ARMC8: variants seen among roughly 807,000 people sequenced by gnomAD.
ARMC8 encodes armadillo repeat containing 8.
ARMC8 carries 20 observed loss-of-function variants against 99.3 expected under a neutral mutation model. The ratio of observed to expected loss-of-function variants is 0.20; its 90% CI spans 0.14 to 0.29. ARMC8 has a LOEUF of 0.29. Ranked by LOEUF, ARMC8 falls within the 10% of genes least tolerant of loss-of-function variation. The pLI, the probability that ARMC8 is intolerant of heterozygous loss-of-function variation, is 1.00. For missense variants in ARMC8, 569 were observed against 809.5 expected (o/e 0.70, Z 3.60); for synonymous variants, 263 against 278.3 (o/e 0.95, Z 0.55).
At chr3:138,234,959 A>AT (rs1277841043) in intron 6 of ARMC8, 75 bp from the exon 7 acceptor site, 1 of 1,260,582 alleles carries the variant, frequency 7.9e-7, no homozygotes, top group Non-Finnish European at 1.1e-6. Flanking sequence ...GGTTTTCTAC[A>AT]TTTAAGTAAA....
intron 18 of ARMC8, among the ~76,000 whole-genome samples, chr3:138,281,420 G>A (rs1475635114): frequency 6.6e-6 from 1 of 151,738 alleles, no homozygotes; most frequent in Non-Finnish European, 1.5e-5. Flanking sequence ...AGCCTCCTGA[G>A]TAGCTGGGAC....
intron 6 of ARMC8, among the ~76,000 whole-genome samples, chr3:138,231,181 C>T (rs992645319): frequency 6.6e-6 from 1 of 152,150 alleles, no homozygotes; most frequent in African/African-American, 2.4e-5. Context: ...ACAATATTAA[C>T]AACTTTACCG....
At chr3:138,290,750 T>C (rs773382478) in intron 21 of ARMC8, 111 bp downstream of exon 21, 3 of 709,920 alleles carry the variant, frequency 4.2e-6, no homozygotes, top group Non-Finnish European at 7.0e-6. Context: ...TTTTAGATTC[T>C]TAGATTTTCT....
At chr3:138,199,758 G>A (rs1034600424) in intron 1 of ARMC8, among the ~76,000 whole-genome samples, 3 of 152,292 alleles carry the variant, frequency 2.0e-5, no homozygotes, top group Non-Finnish European at 2.9e-5. Flanking sequence ...TCTGTATTGT[G>A]GTAGTCCTAA....
chr3:138,294,918 G>A, intron 21 of ARMC8, among the ~76,000 whole-genome samples: 1 of 146,748 alleles, frequency 6.8e-6, no homozygotes, highest in Admixed American at 6.8e-5. Context: ...TTTTTTTTGA[G>A]ATGGAGTTTC....
rs925395945 is a variant in ARMC8, at chr3:138,297,597, A to G, written c.*1705A>G. ...ATGTTTTAAAAATGTATTTAATGCA[A>G]TTTTTCCTGCTCTCAACATGACCAC... On this transcript the variant is annotated 3_prime_UTR_variant, in exon 22 of 22. Coordinates refer to ENST00000469044, the MANE Select transcript of ARMC8 (RefSeq NM_001363941.2). The G allele has an allele frequency of 6.6e-6, 1 of 152,104 alleles. No individual in the cohort carries two copies. 9.4% of individuals were successfully genotyped at this position (152,104 alleles called of 1,614,324 possible). A position where few individuals can be genotyped will look rare whatever the true frequency, so the allele number is the denominator to read the frequency against.
At chr3:138,291,547 C>T (rs911952408) in intron 21 of ARMC8, among the ~76,000 whole-genome samples, 4 of 152,162 alleles carry the variant, frequency 2.6e-5, no homozygotes, top group African/African-American at 9.7e-5. Context: ...GTGTAACTTA[C>T]ATTCTAGTAT....
intron 6 of ARMC8, among the ~76,000 whole-genome samples, chr3:138,231,152 G>A (rs777732201): frequency 8.5e-5 from 13 of 152,178 alleles, no homozygotes; most frequent in Non-Finnish European, 1.6e-4. Context: ...ATCCAGTGAC[G>A]TTAGTAAAAG....
chr3:138,227,259 TGGGGGCTGTTGTAACTGA>T (rs985158417), intron 5 of ARMC8, among the ~76,000 whole-genome samples: 15 of 152,098 alleles, frequency 9.9e-5, no homozygotes, highest in African/African-American at 3.6e-4. Context: ...AGAAATGGGA[TGGGGGCTGTTGTAACTGA>T]GGGAAAGTGA....
chr3:138,291,926 A>G (rs190890261), intron 21 of ARMC8, among the ~76,000 whole-genome samples: 1 of 152,350 alleles, frequency 6.6e-6, no homozygotes, highest in East Asian at 1.9e-4. Context: ...TAGGTAAGGT[A>G]AGGACTTTGG....
chr3:138,287,806 AT>A, intron 19 of ARMC8: 1 of 384,778 alleles, frequency 2.6e-6, no homozygotes, highest in South Asian at 1.9e-5. Context: ...CATTGAGCAT[AT>A]TTTGCCATTG....
intron 6 of ARMC8, among the ~76,000 whole-genome samples, chr3:138,229,351 T>TA (rs2045918716): frequency 6.7e-6 from 1 of 148,920 alleles, no homozygotes; most frequent in Admixed American, 6.7e-5. Context: ...TTTTTTTTTT[T>TA]AACAGTGCAT....
intron 6 of ARMC8, among the ~76,000 whole-genome samples, chr3:138,232,472 T>C (rs868611557): frequency 6.6e-6 from 1 of 152,170 alleles, no homozygotes; most frequent in African/African-American, 2.4e-5. Context: ...ATTGTAAATA[T>C]AACTTAGAAA....
chr3:138,287,024 C>A (rs149898719), intron 19 of ARMC8, among the ~76,000 whole-genome samples: 10 of 152,338 alleles, frequency 6.6e-5, no homozygotes, highest in South Asian at 4.1e-4. Context: ...TTCATCACCA[C>A]TGCCCCCACC....
chr3:138,229,162 A>ATATG (rs2045877221), intron 6 of ARMC8, 152 bp downstream of exon 6: 3 of 75,910 alleles, frequency 4.0e-5, no homozygotes, highest in African/African-American at 1.2e-4. Flanking sequence ...ATATATATAT[A>ATATG]TATATATATA....
intron 18 of ARMC8, among the ~76,000 whole-genome samples, chr3:138,276,343 T>C (rs2049290421): frequency 6.6e-6 from 1 of 152,228 alleles, no homozygotes; most frequent in African/African-American, 2.4e-5. Flanking sequence ...TGCATCCACC[T>C]ATGAAACTGT....
intron 7 of ARMC8, among the ~76,000 whole-genome samples, chr3:138,236,874 A>G (rs773245914): frequency 3.9e-5 from 6 of 152,324 alleles, no homozygotes; most frequent in Non-Finnish European, 7.4e-5. Context: ...GGGTGTTTTA[A>G]AAGTTAGCGC....
chr3:138,210,222 G>C (rs2044616730), intron 2 of ARMC8, among the ~76,000 whole-genome samples: 1 of 152,316 alleles, frequency 6.6e-6, no homozygotes, highest in East Asian at 1.9e-4. Context: ...TTGGAATGCA[G>C]TGAAAGAATA....
chr3:138,242,329 T>C (rs969729265), intron 11 of ARMC8, among the ~76,000 whole-genome samples: 3 of 152,208 alleles, frequency 2.0e-5, no homozygotes, highest in African/African-American at 7.2e-5. Context: ...TCTCATTCTT[T>C]AGGTCAGGAG....
Sources: gnomAD v4.1 joint callset for allele counts (sites outside exome capture counted in the v4.1 genomes callset) on GRCh38, gnomAD v4.1.1 for gene constraint, MANE v1.5 for transcripts, NCBI Gene and HGNC (gene_info 2026-07-23, HGNC 2026-07-21) for gene names.